Variants in DBF4 observed in about 807,000 individuals in gnomAD.
DBF4 encodes the protein protein DBF4 homolog A.
DBF4 carries 25 observed loss-of-function variants against 76.6 expected under a neutral mutation model. The observed-to-expected ratio is 0.33, with a 90% CI of 0.24 to 0.46. The LOEUF (loss-of-function observed/expected upper bound fraction) is 0.46, where lower values mean the gene tolerates loss of function less well. Ranked by LOEUF, DBF4 falls within the 20% of genes least tolerant of loss-of-function variation. The pLI is 1.00. For missense variants in DBF4, 638 were observed against 760.8 expected (o/e 0.84, Z 1.90); for synonymous variants, 213 against 258.0 (o/e 0.83, Z 1.67).
At chr7:87,897,229 T>C in intron 7 of DBF4, 65 bp from the exon 8 acceptor site, 2 of 1,434,616 alleles carry the variant, frequency 1.4e-6, no homozygotes. Context: ...GCCACAGTAG[T>C]TTTATTAAAA....
At chr7:87,879,905 A>T (rs530075394) in intron 2 of DBF4, among the ~76,000 whole-genome samples, 150 of 150,370 alleles carry the variant, frequency 1.0e-3, no homozygotes, top group African/African-American at 3.5e-3. Context: ...GTGAGCCAAG[A>T]TTGTGCCACT....
chr7:87,900,337 A>C lies in DBF4; in HGVS notation c.797A>C (p.Gln266Pro). 6.3e-7 allele frequency: 1 copy of C among 1,589,182 alleles called. No homozygotes were observed. The part of the protein sequence containing the change: ...DKPSSMQKQT[Q>P]VKLRIQTDGD... ...CCATCTAGTATGCAAAAGCAAACTC[A>C]GGTTAAACTAAGGTTGGTTTGAATC... The change falls in exon 9 of 12, where the codon CAG (glutamine) becomes CCG (proline). Residue 266 changes from glutamine (Q) to proline (P), a missense_variant. Coordinates refer to ENST00000265728, the MANE Select transcript of DBF4 (RefSeq NM_006716.4).
chr7:87,896,456 CTA>C lies in DBF4; in HGVS notation c.598-12_598-11del. 6.2e-7 allele frequency: 1 copy of C among 1,606,522 alleles called. No individual in the cohort carries two copies. The highest frequency in any genetic ancestry group is 1.3e-5 in the African/African-American group (1 of 74,678). ...TGTACTTTCAAAGCCAATCTTTTCA[CTA>C]TATATTTTTTTTTAGGGCAAAAGAG... On this transcript the variant is annotated splice_polypyrimidine_tract_variant and intron_variant, in intron 6 of 11. Transcript: ENST00000265728.
intron 6 of DBF4, among the ~76,000 whole-genome samples, chr7:87,895,599 G>A (rs1394282430): frequency 6.6e-6 from 1 of 152,140 alleles, no homozygotes; most frequent in East Asian, 1.9e-4. Context: ...CCCTTGCTAT[G>A]CTGCGTTGGG....
intron 7 of DBF4, among the ~76,000 whole-genome samples, chr7:87,896,860 C>T (rs889431296): frequency 1.3e-5 from 2 of 152,162 alleles, no homozygotes; most frequent in Non-Finnish European, 2.9e-5. Flanking sequence ...AATTGATAAG[C>T]GTAAACAATG....
intron 6 of DBF4, 132 bp from the exon 7 acceptor site, chr7:87,896,342 A>G: frequency 5.9e-6 from 4 of 676,036 alleles, no homozygotes; most frequent in Non-Finnish European, 7.5e-6. Context: ...AGTTTTTTTT[A>G]ACAAAGAATA....
chr7:87,907,317 G>A lies in DBF4; in HGVS notation c.1179G>A (p.Lys393=). 6.2e-7 allele frequency: 1 copy of A among 1,613,952 alleles called. No homozygotes were observed. The highest frequency in any genetic ancestry group is 1.1e-5 in the South Asian group (1 of 91,064). The part of the protein sequence containing the change: ...KDCQEDDTTV[K]EQNFLYKETQ... ...GCCAGGAAGATGATACAACAGTGAAGGAGCAGAATTTCCTGTATAAAGAGA... is the reference window on the plus strand; with the variant it reads ...GCCAGGAAGATGATACAACAGTGAAAGAGCAGAATTTCCTGTATAAAGAGA... Residue 393 remains lysine (K), a synonymous_variant, in exon 12 of 12, where the codon AAG becomes AAA. Transcript: ENST00000265728.
Position 87,907,332 on chromosome 7 carries a change from G to T in DBF4, c.1194G>T (p.Leu398=), listed in dbSNP as rs1463657546. The T allele has an allele frequency of 1.2e-6, 2 of 1,613,980 alleles. No homozygotes were observed. Among genetic ancestry groups the T allele is most frequent in the Non-Finnish European group, 1.7e-6 (2 of 1,179,920 alleles). The stretch of plus-strand genomic sequence containing the variant: ...CAACAGTGAAGGAGCAGAATTTCCT[G>T]TATAAAGAGACCCAGGAAACTGAAA... The part of the protein sequence containing the change: ...DDTTVKEQNF[L]YKETQETEKK... Residue 398 remains leucine (L), a synonymous_variant, in exon 12 of 12, where the codon CTG becomes CTT. Transcript: ENST00000265728.
chr7:87,901,895 A>G (rs933431103), intron 10 of DBF4, among the ~76,000 whole-genome samples: 6 of 152,220 alleles, frequency 3.9e-5, no homozygotes, highest in Non-Finnish European at 5.9e-5. Flanking sequence ...ATACTGGAAC[A>G]TATCTGTCTT....
At chr7:87,896,331 T>C in intron 6 of DBF4, 143 bp from the exon 7 acceptor site, 1 of 646,428 alleles carries the variant, frequency 1.5e-6, no homozygotes, top group South Asian at 1.9e-5. Context: ...TTAAAAACAA[T>C]AGTTTTTTTT....
In DBF4 at chr7:87,886,870, A is replaced by C. The variant is rs1765270607; in HGVS notation, c.426A>C (p.Leu142Phe). The change falls in exon 4 of 12, where the codon TTA (leucine) becomes TTC (phenylalanine). Residue 142 changes from leucine (L) to phenylalanine (F), a missense_variant. Transcript: ENST00000265728. ...DTVCLSRGKL[L>F]VEKAIKDHDF... ...TGTGTTTAAGCAGAGGAAAATTATT[A>C]GTTGAAAAAGCTATCAAGGACCATG... 2 of 1,572,570 alleles carry C rather than the reference A, an allele frequency of 1.3e-6. No individual in the cohort carries two copies. The highest frequency in any genetic ancestry group is 8.7e-7 in the Non-Finnish European group (1 of 1,149,638).
At chr7:87,887,001 C>A in intron 4 of DBF4, 107 bp downstream of exon 4, 1 of 757,772 alleles carries the variant, frequency 1.3e-6, no homozygotes, top group South Asian at 1.9e-5. Context: ...TAGGCAAAAA[C>A]CTGAATCTCA....
rs1268676193 is a variant in DBF4, at chr7:87,908,847, C to T, written c.*684C>T. Reference sequence around the variant, plus strand: ...ACAGGATCCCAGCACTTTGGGAGGCCGAGGCAGGCTGATCACGAGGTCAGA... The same window carrying T: ...ACAGGATCCCAGCACTTTGGGAGGCTGAGGCAGGCTGATCACGAGGTCAGA... On this transcript the variant is annotated 3_prime_UTR_variant, in exon 12 of 12. Transcript: ENST00000265728. The T allele has an allele frequency of 2.0e-5, 3 of 152,116 alleles. No homozygotes were observed. Among genetic ancestry groups the T allele is most frequent in the Non-Finnish European group, 4.4e-5 (3 of 68,022 alleles). 9.4% of individuals were successfully genotyped at this position (152,116 alleles called of 1,614,324 possible).
Position 87,907,910 on chromosome 7 carries a change from A to C in DBF4, c.1772A>C (p.Glu591Ala). Residue 591 changes from glutamate (E) to alanine (A), a missense_variant, in exon 12 of 12, where the codon GAA becomes GCA. Transcript: ENST00000265728. The stretch of plus-strand genomic sequence containing the variant: ...GGACGAAATAGAAAAGAAAATCTGG[A>C]ACCAAATGCTGAATTTGATAAAAGA... ...ILGRNRKENL[E>A]PNAEFDKRTE... The C allele has an allele frequency of 6.2e-7, 1 of 1,612,644 alleles. No homozygotes were observed. The highest frequency in any genetic ancestry group is 1.1e-5 in the South Asian group (1 of 90,502).
chr7:87,889,005 C>T (rs994387510), intron 6 of DBF4, among the ~76,000 whole-genome samples: 3 of 152,110 alleles, frequency 2.0e-5, no homozygotes, highest in Admixed American at 6.6e-5. Context: ...AGTAGGATGG[C>T]ATATTTTAGA....
At chr7:87,899,921 C>T (rs1028094866) in intron 8 of DBF4, among the ~76,000 whole-genome samples, 3 of 152,092 alleles carry the variant, frequency 2.0e-5, no homozygotes, top group Non-Finnish European at 2.9e-5. Context: ...GATGAAAATA[C>T]GTCATCTTAC....
chr7:87,897,719 A>T (rs531005486), intron 8 of DBF4, among the ~76,000 whole-genome samples: 1 of 152,336 alleles, frequency 6.6e-6, no homozygotes, highest in East Asian at 1.9e-4. Context: ...TATAACATCT[A>T]ACATGGTTGA....
intron 6 of DBF4, among the ~76,000 whole-genome samples, chr7:87,890,766 T>C (rs990721471): frequency 6.6e-6 from 1 of 152,268 alleles, no homozygotes; most frequent in East Asian, 1.9e-4. Flanking sequence ...GTAACAAATA[T>C]TAAATGCCTG....
At chr7:87,886,697 G>C (rs991108566) in intron 3 of DBF4, 147 bp from the exon 4 acceptor site, 2 of 568,740 alleles carry the variant, frequency 3.5e-6, no homozygotes, top group Non-Finnish European at 6.2e-6. Flanking sequence ...ATGTTGAATA[G>C]AATTTACTAC....
Sources: allele counts gnomAD v4.1 joint callset (sites outside exome capture counted in the v4.1 genomes callset), GRCh38; gene constraint gnomAD v4.1.1; transcripts MANE v1.5; gene names NCBI Gene and HGNC (gene_info 2026-07-23, HGNC 2026-07-21).